The following POLR3F variants were observed in gnomAD, a reference collection of about 807,000 sequenced individuals.
The protein encoded by POLR3F is RNA polymerase III subunit F.
POLR3F carries 31 observed loss-of-function variants against 43.6 expected under a neutral mutation model. That is an observed-to-expected ratio of 0.71 (90% confidence interval 0.53 to 0.96). The LOEUF (loss-of-function observed/expected upper bound fraction) is 0.96. POLR3F is among the 40% of genes least tolerant of loss of function. The pLI, the probability that POLR3F is intolerant of heterozygous loss-of-function variation, is 0.00. For missense variants in POLR3F, 316 were observed against 391.7 expected (o/e 0.81, Z 1.63); for synonymous variants, 114 against 132.5 (o/e 0.86, Z 0.96).
At chr20:18,473,566 G>C in intron 4 of POLR3F, 108 bp downstream of exon 4, 1 of 554,794 alleles carries the variant, frequency 1.8e-6, no homozygotes, top group Non-Finnish European at 3.4e-6. Flanking sequence ...AGTATACTGA[G>C]GAAGGTAATA....
At position 18,469,029 on chromosome 20, in the gene POLR3F, C is replaced by G. The variant is rs756434857; in HGVS notation, c.148C>G (p.Arg50Gly). 1 of 1,577,750 alleles carries G rather than the reference C, an allele frequency of 6.3e-7. No individual in the cohort carries two copies. The highest frequency in any genetic ancestry group is 1.1e-5 in the South Asian group (1 of 90,364). Residue 50 changes from arginine (R) to glycine (G), a missense_variant, in exon 2 of 9, where the codon CGG becomes GGG. Arg to Gly is a moderately radical substitution (Grantham distance 125). Around this residue, in one of 3 missense-constraint regions of POLR3F, gnomAD observed 122 missense variants for 133.8 expected, o/e 0.91. Coordinates refer to ENST00000377603, the MANE Select transcript of POLR3F (RefSeq NM_006466.4). The stretch of plus-strand genomic sequence containing the variant: ...AATGCCTCATATAGAAGCCCAGCAG[C>G]GGGCAGTAGCCATCAATAGGTTGTT... ...NEMPHIEAQQ[R>G]AVAINRLLSM...
chr20:18,473,001 G>A, intron 3 of POLR3F, 92 bp downstream of exon 3: 1 of 612,416 alleles, frequency 1.6e-6, no homozygotes. Context: ...ACATAAACCT[G>A]TCCTGTGTAT....
In POLR3F at chr20:18,472,953, G is replaced by C. The variant is rs112937473; in HGVS notation, c.248+44G>C. ...AATTTTAAGAAAATGTTTATTATTT[G>C]CAAACGTATGTGTTGGGAATAAAGC... On this transcript the variant is annotated intron_variant, in intron 3 of 8. Coordinates refer to ENST00000377603, the MANE Select transcript of POLR3F (RefSeq NM_006466.4). 12 of 879,612 alleles carry C rather than the reference G, an allele frequency of 1.4e-5. No homozygotes were observed. The African/African-American group carries it at 1.7e-4, about 12-fold the overall frequency. The allele number at this position is 879,612 out of a possible 1,614,324, so 54.5% of individuals were successfully genotyped here. A position where few individuals can be genotyped will look rare whatever the true frequency, so the allele number is the denominator to read the frequency against.
At chr20:18,483,262 A>C (rs1194690557) in intron 8 of POLR3F, among the ~76,000 whole-genome samples, 9 of 152,128 alleles carry the variant, frequency 5.9e-5, no homozygotes, top group Non-Finnish European at 5.9e-5. Flanking sequence ...ACGGGGTTTC[A>C]CCATGTTAGC....
At chr20:18,467,720 T>C in intron 1 of POLR3F, 152 bp downstream of exon 1, 1 of 1,461,068 alleles carries the variant, frequency 6.8e-7, no homozygotes, top group Non-Finnish European at 9.1e-7. Context: ...CACTTGTTCC[T>C]TCCCATCCTG....
intron 8 of POLR3F, among the ~76,000 whole-genome samples, chr20:18,482,932 CTG>C (rs1050763196): frequency 1.1e-4 from 16 of 152,156 alleles, no homozygotes; most frequent in Admixed American, 7.9e-4. Flanking sequence ...GCCCATATTC[CTG>C]TGTTACCTGG....
At chr20:18,473,572 T>A in intron 4 of POLR3F, 114 bp downstream of exon 4, 1 of 507,018 alleles carries the variant, frequency 2.0e-6, no homozygotes, top group South Asian at 2.9e-5. Context: ...CTGAGGAAGG[T>A]AATAGAACAT....
intron 1 of POLR3F, 77 bp from the exon 2 acceptor site, chr20:18,468,867 T>C: frequency 1.3e-6 from 1 of 776,640 alleles, no homozygotes; most frequent in Non-Finnish European, 2.3e-6. Context: ...TTTCAAACTA[T>C]TCTACTTGTA....
chr20:18,480,326 T>C, intron 6 of POLR3F, 76 bp from the exon 7 acceptor site: 1 of 1,251,764 alleles, frequency 8.0e-7, no homozygotes, highest in African/African-American at 1.5e-5. Flanking sequence ...CTGTTGTTGG[T>C]TTGACTCAGT....
chr20:18,475,631 C>T (rs1601255574), intron 5 of POLR3F, among the ~76,000 whole-genome samples: 1 of 152,158 alleles, frequency 6.6e-6, no homozygotes, highest in East Asian at 1.9e-4. Context: ...CCTCATCCTG[C>T]CCCACCCCTG....
At chr20:18,471,237 C>G (rs1047534090) in intron 2 of POLR3F, among the ~76,000 whole-genome samples, 4 of 152,324 alleles carry the variant, frequency 2.6e-5, no homozygotes, top group Non-Finnish European at 5.9e-5. Flanking sequence ...CTGGCCACAT[C>G]ATGCTGTTTC....
chr20:18,467,409 C>T lies in POLR3F; in HGVS notation c.-98C>T. ...CACGAGGAAGAAGGCCCCTCGGCCTCAGCAGAGCGCTATCCTCCACTGGTT... is the reference window on the plus strand; with the variant it reads ...CACGAGGAAGAAGGCCCCTCGGCCTTAGCAGAGCGCTATCCTCCACTGGTT... On this transcript the variant is annotated 5_prime_UTR_variant, in exon 1 of 9. Transcript: ENST00000377603. 1 of 1,372,888 alleles carries T rather than the reference C, an allele frequency of 7.3e-7. No homozygotes were observed. Among genetic ancestry groups the T allele is most frequent in the East Asian group, 2.3e-5 (1 of 43,338 alleles). The allele number at this position is 1,372,888 out of a possible 1,614,324, so 85.0% of individuals were successfully genotyped here. A position where few individuals can be genotyped will look rare whatever the true frequency, so the allele number is the denominator to read the frequency against.
In POLR3F at chr20:18,472,887, A is replaced by T. The variant is rs770677177; in HGVS notation, c.226A>T (p.Ile76Leu). The change falls in exon 3 of 9, where the codon ATA becomes TTA. Residue 76 changes from isoleucine to leucine, a missense_variant. Physicochemically the swap from Ile to Leu is conservative, Grantham distance 5. Transcript: ENST00000377603. The stretch of plus-strand genomic sequence containing the variant: ...GAGCAATACGGGCCTTTTATATAGA[A>T]TAAAGGACTCTCAGAATGCTGGGTA... ...LRSNTGLLYR[I>L]KDSQNAGKMK... 1 of 1,498,260 alleles carries T rather than the reference A, an allele frequency of 6.7e-7. No individual in the cohort carries two copies. Among genetic ancestry groups the T allele is most frequent in the Non-Finnish European group, 9.2e-7 (1 of 1,087,168 alleles). The allele number at this position is 1,498,260 out of a possible 1,614,324, so 92.8% of individuals were successfully genotyped here.
chr20:18,474,280 T>C (rs2059768865), intron 4 of POLR3F, among the ~76,000 whole-genome samples: 1 of 152,078 alleles, frequency 6.6e-6, no homozygotes, highest in Non-Finnish European at 1.5e-5. Context: ...TAGGCTTCCT[T>C]TTCCATCTCA....
At chr20:18,473,278 G>A in intron 3 of POLR3F, 113 bp from the exon 4 acceptor site, 1 of 532,912 alleles carries the variant, frequency 1.9e-6, no homozygotes, top group Non-Finnish European at 3.5e-6. Context: ...CCTTTCTTTT[G>A]GTAAATATGT....
At chr20:18,482,555 C>T (rs940999821) in intron 8 of POLR3F, among the ~76,000 whole-genome samples, 12 of 152,170 alleles carry the variant, frequency 7.9e-5, no homozygotes, top group Non-Finnish European at 1.2e-4. Context: ...TAGGGGCATA[C>T]AGCTTAGAAG....
In POLR3F at chr20:18,480,094, T is replaced by G; in HGVS notation, c.486T>G (p.Thr162=). Residue 162 remains threonine (T), a synonymous_variant, in exon 6 of 9, where the codon ACT becomes ACG. Transcript: ENST00000377603. ...ACCTGCAGCCAGACCGGTCTGTGACTGGTGGAGCCTGGTACAGTGACCAGG... is the reference window on the plus strand; with the variant it reads ...ACCTGCAGCCAGACCGGTCTGTGACGGGTGGAGCCTGGTACAGTGACCAGG... The part of the protein sequence containing the change: ...LYNLQPDRSV[T]GGAWYSDQDF... 1 of 1,608,422 alleles carries G rather than the reference T, an allele frequency of 6.2e-7. No homozygotes were observed. Among genetic ancestry groups the G allele is most frequent in the Non-Finnish European group, 8.5e-7 (1 of 1,174,910 alleles).
chr20:18,478,988 C>CA (rs1601258827), intron 5 of POLR3F, among the ~76,000 whole-genome samples: 1 of 151,272 alleles, frequency 6.6e-6, no homozygotes, highest in African/African-American at 2.4e-5. Context: ...ACTGAAAATA[C>CA]AAAAAAATTA....
intron 2 of POLR3F, among the ~76,000 whole-genome samples, chr20:18,471,619 AG>A (rs1023206122): frequency 4.5e-4 from 69 of 152,354 alleles, no homozygotes; most frequent in African/African-American, 1.5e-3. Context: ...TCGTGGGGTC[AG>A]GGAACAGGAG....
Sources: allele counts gnomAD v4.1 joint callset (sites outside exome capture counted in the v4.1 genomes callset), GRCh38; gene constraint gnomAD v4.1.1; regional missense constraint gnomAD v4.1.1; transcripts MANE v1.5; gene names NCBI Gene and HGNC (gene_info 2026-07-23, HGNC 2026-07-21).